The following NFAT5 variants were observed in gnomAD, a reference collection of about 807,000 sequenced individuals.
NFAT5 encodes nuclear factor of activated T-cells 5.
In NFAT5, 31 loss-of-function variants were observed where a neutral mutation model predicts 166.5. That is an observed-to-expected ratio of 0.19 (90% CI 0.14 to 0.25). The LOEUF (loss-of-function observed/expected upper bound fraction) is 0.25, where lower values mean the gene tolerates loss of function less well. Among genes scored for constraint, NFAT5 ranks in the 10% least tolerant of loss-of-function variants. The pLI is 1.00. For synonymous variants in NFAT5, 612 were observed against 639.7 expected (o/e 0.96, Z 0.65); for missense variants, 1,449 against 1,821.8 (o/e 0.80, Z 3.72).
intron 7 of NFAT5, among the ~76,000 whole-genome samples, chr16:69,666,785 C>G (rs2036399931): frequency 1.3e-5 from 2 of 151,758 alleles, no homozygotes; most frequent in Admixed American, 1.3e-4. Context: ...GGATCTAGAA[C>G]TAGAAATACC....
intron 2 of NFAT5, among the ~76,000 whole-genome samples, chr16:69,579,441 TAAA>T (rs983848009): frequency 7.2e-5 from 11 of 152,152 alleles, no homozygotes; most frequent in Admixed American, 5.9e-4. Flanking sequence ...CTTAATTCCT[TAAA>T]AAACTAATTA....
chr16:69,628,965 T>C (rs2034589232), intron 3 of NFAT5, among the ~76,000 whole-genome samples: 1 of 152,050 alleles, frequency 6.6e-6, no homozygotes, highest in Non-Finnish European at 1.5e-5. Context: ...TCCCAGCTAC[T>C]CTGGAGGCTG....
intron 11 of NFAT5, among the ~76,000 whole-genome samples, chr16:69,689,760 G>GT (rs1467419465): frequency 6.6e-6 from 1 of 152,142 alleles, no homozygotes; most frequent in Non-Finnish European, 1.5e-5. Flanking sequence ...GGCCAGGCTG[G>GT]TCTCGAACTG....
chr16:69,623,118 C>G (rs746415162), intron 2 of NFAT5, among the ~76,000 whole-genome samples: 13 of 152,046 alleles, frequency 8.6e-5, no homozygotes, highest in Non-Finnish European at 1.5e-5. Context: ...GCACTCCAGC[C>G]TGGGCAACAA....
intron 2 of NFAT5, among the ~76,000 whole-genome samples, chr16:69,589,064 G>T (rs1254644541): frequency 1.6e-5 from 2 of 123,942 alleles, no homozygotes; most frequent in Admixed American, 1.1e-4. Context: ...GCACAATCTT[G>T]GCTCACCACA....
At chr16:69,631,901 G>A (rs1334127405) in intron 3 of NFAT5, among the ~76,000 whole-genome samples, 2 of 152,146 alleles carry the variant, frequency 1.3e-5, no homozygotes, top group Non-Finnish European at 2.9e-5. Flanking sequence ...CGGTTTTTAA[G>A]TTCATAACTT....
intron 7 of NFAT5, 71 bp from the exon 8 acceptor site, chr16:69,669,906 T>C (rs759037682): frequency 3.5e-4 from 472 of 1,365,726 alleles, no homozygotes; most frequent in Non-Finnish European, 4.4e-4. Flanking sequence ...AACCGGATGA[T>C]TGCAAGTTGA....
rs185452381 is a variant in NFAT5 at position 69,621,688 on chromosome 16, G to A, written c.128-4715G>A. The stretch of plus-strand genomic sequence containing the variant: ...TTTCATAGATTTAAAGTACATATGG[G>A]CCAGGTGCAGCTCATGTCTGTAATC... On this transcript the variant is annotated intron_variant, in intron 2 of 14. Transcript: ENST00000349945. Among the ~76,000 whole-genome samples, 172 of 152,272 alleles carry A rather than the reference G, an allele frequency of 1.1e-3. 1 individual carries two copies. In the East Asian group the frequency reaches 0.027, roughly 24 times the overall value.
chr16:69,572,328 C>T (rs959369124), intron 2 of NFAT5, among the ~76,000 whole-genome samples: 2 of 152,132 alleles, frequency 1.3e-5, no homozygotes, highest in Non-Finnish European at 2.9e-5. Context: ...TATGCTGTTA[C>T]AATTATATTC....
intron 3 of NFAT5, among the ~76,000 whole-genome samples, chr16:69,629,768 A>AT (rs761809860): frequency 0.6 from 66,932 of 111,746 alleles, 21,219 homozygotes; most frequent in Middle Eastern, 0.72. Context: ...CACTGGGCTA[A>AT]TTTTTTTTTT....
At chr16:69,660,438 A>G (rs1444217381) in intron 7 of NFAT5, among the ~76,000 whole-genome samples, 2 of 152,218 alleles carry the variant, frequency 1.3e-5, no homozygotes, top group African/African-American at 2.4e-5. Flanking sequence ...AAAAAAAAAG[A>G]AAGTAATTTG....
intron 4 of NFAT5, among the ~76,000 whole-genome samples, chr16:69,652,052 A>G (rs2035692916): frequency 6.6e-6 from 1 of 152,236 alleles, no homozygotes; most frequent in Non-Finnish European, 1.5e-5. Context: ...TTTACAGATT[A>G]AATGTGTTTG....
At chr16:69,626,271 A>T in intron 2 of NFAT5, 132 bp from the exon 3 acceptor site, 1 of 774,640 alleles carries the variant, frequency 1.3e-6, no homozygotes, top group Non-Finnish European at 1.9e-6. Flanking sequence ...TCTTTACATT[A>T]ATTTTGTGGG....
In NFAT5 at chr16:69,702,010, G is replaced by A. The variant is rs189345746; in HGVS notation, c.*5659G>A. 22 of 152,670 alleles carry A rather than the reference G, an allele frequency of 1.4e-4. No homozygotes were observed. The highest frequency in any genetic ancestry group is 4.6e-4 in the Admixed American group (7 of 15,288). 9.5% of individuals were successfully genotyped at this position (152,670 alleles called of 1,614,324 possible). A position where few individuals can be genotyped will look rare whatever the true frequency, so the allele number is the denominator to read the frequency against. ...CTCTATTCCAGCTCCTTACCACAGC[G>A]GTGGTGCTTAAAGAAAGGATCATCA... On this transcript the variant is annotated 3_prime_UTR_variant, in exon 15 of 15. Transcript: ENST00000349945.
At chr16:69,621,864 G>A (rs1308511631) in intron 2 of NFAT5, among the ~76,000 whole-genome samples, 1 of 152,154 alleles carries the variant, frequency 6.6e-6, no homozygotes, top group Non-Finnish European at 1.5e-5. Context: ...TCGGGAGGCT[G>A]CAGCAGGAGG....
intron 9 of NFAT5, among the ~76,000 whole-genome samples, chr16:69,672,134 T>C (rs368313439): frequency 2.0e-5 from 3 of 152,344 alleles, no homozygotes; most frequent in African/African-American, 7.2e-5. Flanking sequence ...CAATATCGTA[T>C]AGTGTGGAGA....
chr16:69,677,954 A>G (rs1007428161), intron 10 of NFAT5, among the ~76,000 whole-genome samples: 2 of 151,840 alleles, frequency 1.3e-5, no homozygotes, highest in African/African-American at 4.8e-5. Context: ...GGGGTTTGAG[A>G]TGAGGCTGGC....
intron 9 of NFAT5, among the ~76,000 whole-genome samples, chr16:69,673,704 CAGTG>C (rs2036717016): frequency 6.6e-6 from 1 of 151,434 alleles, no homozygotes; most frequent in Non-Finnish European, 1.5e-5. Context: ...ACGTGGGTGA[CAGTG>C]AGACCCTGTC....
Position 69,692,404 on chromosome 16 carries a change from G to T in NFAT5, c.2579G>T (p.Ser860Ile), listed in dbSNP as rs1480795839. 1 of 1,614,068 alleles carries T rather than the reference G, an allele frequency of 6.2e-7. No homozygotes were observed. The highest frequency in any genetic ancestry group is 1.3e-5 in the African/African-American group (1 of 74,918). Reference sequence around the variant, plus strand: ...GTCAGTCAAATTCAGAGTGGTGTAAGCCCTGGAATGTTTTCCTCAACAGAG... The same window carrying T: ...GTCAGTCAAATTCAGAGTGGTGTAATCCCTGGAATGTTTTCCTCAACAGAG... ...QQVSQIQSGV[S>I]PGMFSSTEPT... Residue 860 changes from serine to isoleucine, a missense_variant, in exon 13 of 15, where the codon AGC (serine) becomes ATC (isoleucine). Ser to Ile is a moderately radical substitution (Grantham distance 142). This residue lies in a region of NFAT5 where 891 missense variants were observed against 993.0 expected (regional missense o/e 0.90). Transcript: ENST00000349945.
Sources: allele counts gnomAD v4.1 joint callset (sites outside exome capture counted in the v4.1 genomes callset), GRCh38; gene constraint gnomAD v4.1.1; regional missense constraint gnomAD v4.1.1; transcripts MANE v1.5; gene names NCBI Gene and HGNC (gene_info 2026-07-23, HGNC 2026-07-21).